COL27A1: variants seen among roughly 807,000 people sequenced by gnomAD.
The protein encoded by COL27A1 is collagen type XXVII alpha 1 chain.
In COL27A1, 106 loss-of-function variants were observed where a neutral mutation model predicts 251.3. The ratio of observed to expected loss-of-function variants is 0.42; its 90% CI spans 0.36 to 0.50. COL27A1 has a LOEUF of 0.50. Ranked by LOEUF, COL27A1 falls within the 20% of genes least tolerant of loss-of-function variation. The probability of loss-of-function intolerance (pLI) is 0.00; values close to 1 mark genes in which losing one functional copy is unlikely to be tolerated. For synonymous variants in COL27A1, 1,000 were observed against 986.3 expected (o/e 1.01, Z -0.26); for missense variants, 2,325 against 2,522.8 (o/e 0.92, Z 1.68).
At chr9:114,237,257 C>G (rs1832462766) in intron 18 of COL27A1, among the ~76,000 whole-genome samples, 1 of 152,246 alleles carries the variant, frequency 6.6e-6, no homozygotes, top group Non-Finnish European at 1.5e-5. Context: ...CATTTGCCGA[C>G]AAAGCTCTGA....
At chr9:114,237,866 TC>T (rs1256161548) in intron 19 of COL27A1, 151 bp downstream of exon 19, 1 of 661,022 alleles carries the variant, frequency 1.5e-6, no homozygotes, top group Non-Finnish European at 2.7e-6. Context: ...AGATCAGCAA[TC>T]ATTTATTTTC....
intron 4 of COL27A1, among the ~76,000 whole-genome samples, chr9:114,182,020 C>A (rs990467663): frequency 2.0e-5 from 3 of 151,952 alleles, no homozygotes. Context: ...CCTTCTTGAG[C>A]TCTCAACTCC....
At chr9:114,207,862 TA>T (rs1830071624) in intron 10 of COL27A1, among the ~76,000 whole-genome samples, 1 of 152,168 alleles carries the variant, frequency 6.6e-6, no homozygotes, top group Non-Finnish European at 1.5e-5. Flanking sequence ...GGAATGGCAG[TA>T]AATGGCACTC....
rs762106089 is a variant in COL27A1, at chr9:114,300,073, G to A, written c.4588G>A (p.Asp1530Asn). 1.4e-5 allele frequency: 22 copies of A among 1,614,040 alleles called. No individual in the cohort carries two copies. Among genetic ancestry groups the A allele is most frequent in the Admixed American group, 6.7e-5 (4 of 60,008 alleles). ...TCACTTCCTGTTCTTCCTGCAGGGC[G>A]ACTCTGGCGAGATGGGCTTCCCAGG... ...GEPGSKGQPG[D>N]SGEMGFPGMA... is the part of the protein sequence containing the mutation. The change falls in exon 50 of 61, where the codon GAC becomes AAC. Residue 1530 changes from aspartate to asparagine, a missense_variant. Around this residue, in one of 4 missense-constraint regions of COL27A1, gnomAD observed 153 missense variants for 140.7 expected, o/e 1.09. Transcript: ENST00000356083.
Position 114,306,580 on chromosome 9 carries a change from C to T in COL27A1, c.4999C>T (p.His1667Tyr). Reference protein sequence around the residue: ...DQGGEIFKTLHYLSNLIQSIK... With the variant: ...DQGGEIFKTLYYLSNLIQSIK... ...GGGAGGAGAGATCTTTAAAACCTTA[C>T]ACTACCTCAGCAACCTCATCCAGAG... The change falls in exon 58 of 61, where the codon CAC becomes TAC. Residue 1667 changes from histidine to tyrosine, a missense_variant. By Grantham distance (83) the His-to-Tyr change is moderately conservative (BLOSUM62 2). Around this residue, in one of 4 missense-constraint regions of COL27A1, gnomAD observed 327 missense variants for 442.8 expected, o/e 0.74. Coordinates refer to ENST00000356083, the MANE Select transcript of COL27A1 (RefSeq NM_032888.4). The T allele has an allele frequency of 1.2e-6, 2 of 1,614,118 alleles. No homozygotes were observed. Among genetic ancestry groups the T allele is most frequent in the Admixed American group, 3.3e-5 (2 of 60,020 alleles).
chr9:114,244,685 G>A (rs541092655), intron 23 of COL27A1, among the ~76,000 whole-genome samples: 5 of 152,334 alleles, frequency 3.3e-5, no homozygotes, highest in South Asian at 2.1e-4. Context: ...AGGGGGAGGA[G>A]GCTCCACCCA....
chr9:114,306,189 C>T (rs1564593384), intron 57 of COL27A1: 1 of 209,910 alleles, frequency 4.8e-6, no homozygotes, highest in African/African-American at 2.3e-5. Context: ...CCTCCACAGG[C>T]TCTTTGCAGA....
chr9:114,173,026 T>G (rs1392262480), intron 3 of COL27A1, among the ~76,000 whole-genome samples: 1 of 152,236 alleles, frequency 6.6e-6, no homozygotes, highest in Non-Finnish European at 1.5e-5. Context: ...CGAGAGCAAC[T>G]GGCAGAGGCA....
At chr9:114,306,393 C>T (rs1268189863) in intron 57 of COL27A1, 127 bp from the exon 58 acceptor site, 5 of 880,896 alleles carry the variant, frequency 5.7e-6, no homozygotes, top group South Asian at 1.7e-5. Flanking sequence ...AAACCCAACC[C>T]GTGCTCTAGC....
At chr9:114,258,296 G>T (rs1834082669) in intron 27 of COL27A1, among the ~76,000 whole-genome samples, 1 of 152,200 alleles carries the variant, frequency 6.6e-6, no homozygotes, top group Non-Finnish European at 1.5e-5. Flanking sequence ...TCCCAGGAAA[G>T]GTCGAGGCCC....
chr9:114,183,317 G>C (rs1450215811), intron 5 of COL27A1, among the ~76,000 whole-genome samples: 1 of 152,230 alleles, frequency 6.6e-6, no homozygotes, highest in Non-Finnish European at 1.5e-5. Context: ...AGCCTTCAGG[G>C]GAGTGGGCAG....
intron 7 of COL27A1, among the ~76,000 whole-genome samples, chr9:114,204,350 C>T (rs908684828): frequency 2.0e-5 from 3 of 152,154 alleles, no homozygotes; most frequent in African/African-American, 4.8e-5. Flanking sequence ...CTGAGGTTTC[C>T]TTTGGAGACC....
intron 2 of COL27A1, 144 bp from the exon 3 acceptor site, chr9:114,167,545 C>T (rs919712595): frequency 5.3e-5 from 37 of 702,202 alleles, no homozygotes; most frequent in Admixed American, 1.2e-4. Flanking sequence ...CACCATGGGG[C>T]GGTGTCATTT....
intron 4 of COL27A1, among the ~76,000 whole-genome samples, chr9:114,178,793 G>GCTTGGC (rs1827674193): frequency 6.6e-6 from 1 of 152,186 alleles, no homozygotes; most frequent in South Asian, 2.1e-4. Context: ...CTGCTGGAGA[G>GCTTGGC]AGGCTGGGGG....
intron 4 of COL27A1, among the ~76,000 whole-genome samples, chr9:114,178,786 C>T (rs1294596279): frequency 6.6e-6 from 1 of 152,106 alleles, no homozygotes; most frequent in Non-Finnish European, 1.5e-5. Flanking sequence ...GTTCCTCCTG[C>T]TGGAGAGAGG....
chr9:114,226,143 CAG>C (rs1341266623), intron 14 of COL27A1, among the ~76,000 whole-genome samples: 2 of 152,160 alleles, frequency 1.3e-5, no homozygotes, highest in African/African-American at 4.8e-5. Context: ...CAGAGTGACA[CAG>C]AGGAAATTTT....
chr9:114,227,139 G>T (rs937895154), intron 14 of COL27A1, among the ~76,000 whole-genome samples: 1 of 152,154 alleles, frequency 6.6e-6, no homozygotes, highest in Non-Finnish European at 1.5e-5. Flanking sequence ...GCAGGAAGGT[G>T]AGATGTGTGA....
intron 57 of COL27A1, 137 bp downstream of exon 57, chr9:114,304,810 T>G: frequency 1.4e-6 from 1 of 716,876 alleles, no homozygotes; most frequent in South Asian, 1.7e-5. Context: ...GCATCTCGCA[T>G]CCACAAATGG....
rs142809913 is a variant in COL27A1 at position 114,196,487 on chromosome 9, G to A, written c.2124+475G>A. On this transcript the variant is annotated intron_variant, in intron 7 of 60. Coordinates refer to ENST00000356083, the MANE Select transcript of COL27A1 (RefSeq NM_032888.4). Reference sequence around the variant, plus strand: ...CTGGGGCTGTGTGACCAGGAGCAAGGCCTGGAGCGGAGAAGTTGAGGGAGT... The same window carrying A: ...CTGGGGCTGTGTGACCAGGAGCAAGACCTGGAGCGGAGAAGTTGAGGGAGT... 5.4e-3 allele frequency among the ~76,000 whole-genome samples: 830 copies of A among 152,314 alleles called. 6 individuals carry two copies. Among genetic ancestry groups the A allele is most frequent in the African/African-American group, 0.019 (789 of 41,564 alleles).
Sources: gnomAD v4.1 joint callset for allele counts (sites outside exome capture counted in the v4.1 genomes callset) on GRCh38, gnomAD v4.1.1 for gene constraint, gnomAD v4.1.1 regional missense constraint, MANE v1.5 for transcripts, NCBI Gene and HGNC (gene_info 2026-07-23, HGNC 2026-07-21) for gene names.